The following EML4 variants were observed in gnomAD, a reference collection of about 807,000 sequenced individuals.
The protein encoded by EML4 is EMAP like 4, also known as echinoderm microtubule-associated protein-like 4.
Under a neutral mutation model 129.0 loss-of-function variants are expected in EML4, and 72 were observed. The observed-to-expected ratio is 0.56, with a 90% CI of 0.46 to 0.68. The LOEUF (loss-of-function observed/expected upper bound fraction) is 0.68. Among genes scored for constraint, EML4 ranks in the 30% least tolerant of loss-of-function variants. The pLI is 0.00. For missense variants in EML4, 1,363 were observed against 1,190.6 expected, an observed-to-expected ratio of 1.14 and a Z score of -2.13; for synonymous variants, 532 against 405.0, an observed-to-expected ratio of 1.31 and a Z score of -3.77.
At chr2:42,279,385 G>A (rs1051492923) in intron 6 of EML4, among the ~76,000 whole-genome samples, 8 of 151,558 alleles carry the variant, frequency 5.3e-5, no homozygotes, top group Admixed American at 2.0e-4. Flanking sequence ...TTTCCATAGC[G>A]ACTATACCAT....
intron 1 of EML4, among the ~76,000 whole-genome samples, chr2:42,222,395 G>T (rs1673664916): frequency 6.6e-6 from 1 of 152,016 alleles, no homozygotes; most frequent in Non-Finnish European, 1.5e-5. Context: ...AAAATCAAAA[G>T]AATATTTCAT....
intron 1 of EML4, among the ~76,000 whole-genome samples, chr2:42,224,298 T>TA (rs1172225569): frequency 5.3e-5 from 8 of 152,184 alleles, no homozygotes; most frequent in African/African-American, 1.9e-4. Flanking sequence ...AATTGAATCA[T>TA]ACAGTATGTA....
intron 6 of EML4, among the ~76,000 whole-genome samples, chr2:42,277,691 T>C (rs893703771): frequency 5.3e-5 from 8 of 151,802 alleles, no homozygotes; most frequent in African/African-American, 1.9e-4. Context: ...GCCTCAGCCT[T>C]CCGAGTAGCT....
At position 42,329,892 on chromosome 2, in the gene EML4, G is replaced by A. The variant is rs766491420; in HGVS notation, c.2631G>A (p.Ala877=). The part of the protein sequence containing the change: ...KLSLPQNETV[A]DTTLTKAPVS... ...CTTTGCCTCAGAATGAGACTGTAGCGGATACTACTCTAACCAAAGCCCCCG... is the reference window on the plus strand; with the variant it reads ...CTTTGCCTCAGAATGAGACTGTAGCAGATACTACTCTAACCAAAGCCCCCG... Residue 877 remains alanine (A), a synonymous_variant, in exon 23 of 23, where the codon GCG becomes GCA. Coordinates refer to ENST00000318522, the MANE Select transcript of EML4 (RefSeq NM_019063.5). 54 of 1,613,870 alleles carry A rather than the reference G, an allele frequency of 3.3e-5. No homozygotes were observed. Among genetic ancestry groups the A allele is most frequent in the South Asian group, 1.3e-4 (12 of 91,056 alleles).
rs550166248 is a variant in EML4 at position 42,303,798 on chromosome 2, GC to G, written c.1899+354del. Among the ~76,000 whole-genome samples the G allele has an allele frequency of 4.6e-4, 70 of 152,164 alleles. No individual in the cohort carries two copies. In the East Asian group the frequency reaches 0.013, roughly 29 times the overall value. On this transcript the variant is annotated intron_variant, in intron 16 of 22. Transcript: ENST00000318522. Reference sequence around the variant, plus strand: ...AAATTAGCCAGGCGTGGTGGTGGGCGCCTGTAGTCCCAGCTACTCGAGAGGC... The same window carrying G: ...AAATTAGCCAGGCGTGGTGGTGGGCGCTGTAGTCCCAGCTACTCGAGAGGC...
chr2:42,311,365 G>A (rs899409880), intron 17 of EML4, among the ~76,000 whole-genome samples: 2 of 152,020 alleles, frequency 1.3e-5, no homozygotes, highest in African/African-American at 2.4e-5. Context: ...CTCGGAGTTC[G>A]AGACCAGCAA....
intron 11 of EML4, among the ~76,000 whole-genome samples, 194 bp from the exon 12 acceptor site, chr2:42,294,931 G>A (rs1318016877): frequency 1.3e-5 from 2 of 152,150 alleles, no homozygotes; most frequent in East Asian, 1.9e-4. Flanking sequence ...AAGGTGATAC[G>A]ATAATACAAG....
rs201456204 is a variant in EML4 at position 42,320,327 on chromosome 2, T to TA, written c.2154+2803_2154+2804insA. ...AATTAACCAAGACCCTGTCTGTATTTTAAAAAAAAAAAAAAAGCTGTGCTT... is the reference window on the plus strand; with the variant it reads ...AATTAACCAAGACCCTGTCTGTATTTATAAAAAAAAAAAAAAAGCTGTGCTT... On this transcript the variant is annotated intron_variant, in intron 19 of 22. Transcript: ENST00000318522. 3.9e-3 allele frequency among the ~76,000 whole-genome samples: 560 copies of TA among 142,902 alleles called. 4 individuals are homozygous for TA. The highest frequency in any genetic ancestry group is 4.3e-3 in the Non-Finnish European group (281 of 65,770). 93.7% of individuals were successfully genotyped at this position (142,902 alleles called of 152,430 possible). A position where few individuals can be genotyped will look rare whatever the true frequency, so the allele number is the denominator to read the frequency against.
At chr2:42,329,128 C>T in intron 22 of EML4, 112 bp downstream of exon 22, 1 of 1,084,760 alleles carries the variant, frequency 9.2e-7, no homozygotes, top group East Asian at 2.6e-5. Flanking sequence ...TACTCCAGTG[C>T]ACAGAGGGAG....
intron 8 of EML4, among the ~76,000 whole-genome samples, chr2:42,284,397 A>G (rs988335615): frequency 6.6e-6 from 1 of 152,258 alleles, no homozygotes; most frequent in African/African-American, 2.4e-5. Context: ...TGCCACAGTT[A>G]TAAATATTTT....
chr2:42,242,564 G>A (rs1171725717), intron 1 of EML4, among the ~76,000 whole-genome samples: 1 of 152,018 alleles, frequency 6.6e-6, no homozygotes, highest in Non-Finnish European at 1.5e-5. Context: ...AAATTCAAGA[G>A]GGCTTCATTT....
intron 6 of EML4, chr2:42,264,980 T>C (rs984302031): frequency 1.3e-6 from 2 of 1,540,534 alleles, no homozygotes. Flanking sequence ...GTTGGTTGCC[T>C]TCTAAGTGAA....
At chr2:42,276,085 C>G (rs577673807) in intron 6 of EML4, among the ~76,000 whole-genome samples, 1 of 152,168 alleles carries the variant, frequency 6.6e-6, no homozygotes, top group South Asian at 2.1e-4. Flanking sequence ...TTGACAATGA[C>G]TGGGGAGAAA....
intron 10 of EML4, among the ~76,000 whole-genome samples, chr2:42,287,861 C>T (rs1406628030): frequency 6.6e-6 from 1 of 152,048 alleles, no homozygotes; most frequent in African/African-American, 2.4e-5. Context: ...GTGTACATTT[C>T]TTCTTACCTA....
At chr2:42,283,688 T>G (rs72972021) in intron 8 of EML4, among the ~76,000 whole-genome samples, 1 of 152,028 alleles carries the variant, frequency 6.6e-6, no homozygotes, top group African/African-American at 2.4e-5. Flanking sequence ...TATTGAACTT[T>G]TGGAGTTGAT....
intron 10 of EML4, among the ~76,000 whole-genome samples, 178 bp downstream of exon 10, chr2:42,286,557 A>G (rs1389709306): frequency 6.6e-6 from 1 of 152,226 alleles, no homozygotes; most frequent in Admixed American, 6.5e-5. Flanking sequence ...TAAGTCCTAA[A>G]GTACTTTGGT....
intron 1 of EML4, among the ~76,000 whole-genome samples, chr2:42,220,347 C>T (rs1324155983): frequency 2.6e-5 from 4 of 151,402 alleles, no homozygotes; most frequent in Non-Finnish European, 4.4e-5. Context: ...ATCTGTGTCA[C>T]GTTTTGCTAG....
At chr2:42,241,880 G>T (rs1441943519) in intron 1 of EML4, among the ~76,000 whole-genome samples, 2 of 150,302 alleles carry the variant, frequency 1.3e-5, no homozygotes, top group Admixed American at 1.3e-4. Flanking sequence ...GTGTCGGGGG[G>T]GGGAAGCTGA....
chr2:42,263,333 T>C, intron 5 of EML4, 27 bp downstream of exon 5: 2 of 1,585,200 alleles, frequency 1.3e-6, no homozygotes, highest in South Asian at 1.1e-5. Flanking sequence ...CTTCATTATA[T>C]CTGAAAAGTA....
Sources: allele counts gnomAD v4.1 joint callset (sites outside exome capture counted in the v4.1 genomes callset), GRCh38; gene constraint gnomAD v4.1.1; transcripts MANE v1.5; gene names NCBI Gene and HGNC (gene_info 2026-07-23, HGNC 2026-07-21).